Variants in ATF1 observed in about 807,000 individuals in gnomAD.
The protein encoded by ATF1 is activating transcription factor 1, also known as cyclic AMP-dependent transcription factor ATF-1.
ATF1 carries 16 observed loss-of-function variants against 34.7 expected under a neutral mutation model. That is an observed-to-expected ratio of 0.46 (90% CI 0.31 to 0.70). ATF1 has a LOEUF of 0.70. ATF1 is among the 30% of genes least tolerant of loss of function. ATF1 has a pLI of 0.05. For missense variants in ATF1, 255 were observed against 321.6 expected, an observed-to-expected ratio of 0.79 and a Z score of 1.58; for synonymous variants, 105 against 113.1, an observed-to-expected ratio of 0.93 and a Z score of 0.46.
intron 2 of ATF1, among the ~76,000 whole-genome samples, chr12:50,782,234 G>GT (rs200221395): frequency 0.015 from 2,054 of 138,818 alleles, 41 homozygotes; most frequent in African/African-American, 0.049. Context: ...TTCTTTTTCT[G>GT]TTTTTTTTGT....
chr12:50,804,494 G>A (rs1941575581), intron 3 of ATF1, among the ~76,000 whole-genome samples: 1 of 152,152 alleles, frequency 6.6e-6, no homozygotes, highest in Non-Finnish European at 1.5e-5. Context: ...AGACCAGCCA[G>A]GGCAACATAG....
chr12:50,797,663 G>A (rs1941434996), intron 3 of ATF1, among the ~76,000 whole-genome samples: 1 of 151,890 alleles, frequency 6.6e-6, no homozygotes, highest in Non-Finnish European at 1.5e-5. Context: ...TAGAGATAGA[G>A]TCCCACTATG....
At chr12:50,813,947 C>T (rs1941788117) in intron 4 of ATF1, 63 bp from the exon 5 acceptor site, 2 of 1,482,538 alleles carry the variant, frequency 1.3e-6, no homozygotes, top group South Asian at 1.3e-5. Context: ...GGGCTTTTTG[C>T]CACTCCTTTG....
intron 2 of ATF1, chr12:50,788,454 G>A (rs899781684): frequency 1.4e-5 from 4 of 280,734 alleles, no homozygotes; most frequent in African/African-American, 7.0e-5. Flanking sequence ...CCAAAGTGCA[G>A]TGCTGGTATG....
At chr12:50,790,674 T>C (rs368469277) in intron 2 of ATF1, among the ~76,000 whole-genome samples, 4 of 151,964 alleles carry the variant, frequency 2.6e-5, no homozygotes, top group African/African-American at 9.6e-5. Flanking sequence ...GCTTTTTAAA[T>C]ATTGGGGTGT....
rs79198869 is a variant in ATF1 at position 50,767,610 on chromosome 12, C to G, written c.-7+3303C>G. Among the ~76,000 whole-genome samples the G allele has an allele frequency of 8.4e-4, 128 of 152,332 alleles. 1 individual carries two copies. In the East Asian group the frequency reaches 0.023, roughly 27 times the overall value. ...CAGTAAGATACTTGGCTGCAGGTCC[C>G]TGTAACAAATAAAAGACTGGATGAA... On this transcript the variant is annotated intron_variant, in intron 1 of 6. Coordinates refer to ENST00000262053, the MANE Select transcript of ATF1 (RefSeq NM_005171.5).
intron 2 of ATF1, among the ~76,000 whole-genome samples, chr12:50,787,453 A>C (rs989100603): frequency 7.2e-5 from 11 of 152,062 alleles, no homozygotes; most frequent in Admixed American, 6.6e-4. Context: ...TAGAAATAAA[A>C]ATGGTGTGGT....
Position 50,773,444 on chromosome 12 carries a change from CTTTTTTTTT to C in ATF1, c.-6-6682_-6-6674del, listed in dbSNP as rs71086476. Among the ~76,000 whole-genome samples, 109 of 89,588 alleles carry C rather than the reference CTTTTTTTTT, an allele frequency of 1.2e-3. 1 individual carries two copies. Among genetic ancestry groups the C allele is most frequent in the African/African-American group, 4.8e-3 (107 of 22,426 alleles). The allele number at this position is 89,588 out of a possible 152,430, so 58.8% of individuals were successfully genotyped here. ...AACTGTTGACTTTTTAATTGCCATT[CTTTTTTTTT>C]TTTTTTTTTTTTTCGAGACAAAGTC... On this transcript the variant is annotated intron_variant, in intron 1 of 6. Coordinates refer to ENST00000262053, the MANE Select transcript of ATF1 (RefSeq NM_005171.5).
intron 2 of ATF1, among the ~76,000 whole-genome samples, chr12:50,783,841 T>C (rs1941124450): frequency 7.2e-6 from 1 of 138,196 alleles, no homozygotes. Context: ...TACTCCAGAC[T>C]GGGCGACAGC....
chr12:50,772,935 C>T (rs1276236807), intron 1 of ATF1, among the ~76,000 whole-genome samples: 2 of 152,158 alleles, frequency 1.3e-5, no homozygotes, highest in Non-Finnish European at 2.9e-5. Flanking sequence ...CCCTCCTCCA[C>T]AGGCCCCAGT....
chr12:50,768,739 G>C lies in ATF1; in HGVS notation c.-7+4432G>C, dbSNP rs1940700798. 2.0e-5 allele frequency among the ~76,000 whole-genome samples: 3 copies of C among 152,142 alleles called. 1 individual carries two copies. Among genetic ancestry groups the C allele is most frequent in the Admixed American group, 2.0e-4 (3 of 15,276 alleles). ...ATGCCTTTTAGTTCATGTAACTTTAGTAATCTTTAGGAAATAAACACATCT... is the reference window on the plus strand; with the variant it reads ...ATGCCTTTTAGTTCATGTAACTTTACTAATCTTTAGGAAATAAACACATCT... On this transcript the variant is annotated intron_variant, in intron 1 of 6. Coordinates refer to ENST00000262053, the MANE Select transcript of ATF1 (RefSeq NM_005171.5).
Position 50,785,144 on chromosome 12 carries a change from G to A in ATF1, c.93+4906G>A, listed in dbSNP as rs948234799. Among the ~76,000 whole-genome samples the A allele has an allele frequency of 1.5e-4, 23 of 149,492 alleles. 1 individual carries two copies. The highest frequency in any genetic ancestry group is 7.4e-5 in the African/African-American group (3 of 40,502). On this transcript the variant is annotated intron_variant, in intron 2 of 6. Coordinates refer to ENST00000262053, the MANE Select transcript of ATF1 (RefSeq NM_005171.5). Reference sequence around the variant, plus strand: ...TGTTAAGAATGAAATTACTTGACCCGGGCGTGGTAGTGCATGCCTATAATC... The same window carrying A: ...TGTTAAGAATGAAATTACTTGACCCAGGCGTGGTAGTGCATGCCTATAATC...
At chr12:50,808,727 C>G (rs1941669003) in intron 3 of ATF1, among the ~76,000 whole-genome samples, 1 of 147,260 alleles carries the variant, frequency 6.8e-6, no homozygotes, top group Non-Finnish European at 1.5e-5. Flanking sequence ...GTTTAAGTGT[C>G]TGGTAGATTA....
At chr12:50,773,444 C>CT (rs71086476) in intron 1 of ATF1, among the ~76,000 whole-genome samples, 51,309 of 89,632 alleles carry the variant, frequency 0.57, 16,457 homozygotes, top group South Asian at 0.62. Context: ...AATTGCCATT[C>CT]TTTTTTTTTT....
In ATF1 at chr12:50,769,507, C is replaced by CA. The variant is rs1233845738; in HGVS notation, c.-7+5214dup. Among the ~76,000 whole-genome samples, 406 of 127,650 alleles carry CA rather than the reference C, an allele frequency of 3.2e-3. 2 individuals are homozygous for CA. The highest frequency in any genetic ancestry group is 7.9e-3 in the African/African-American group (270 of 34,240). The allele number at this position is 127,650 out of a possible 152,430, so 83.7% of individuals were successfully genotyped here. ...TGGGTGACAGAGCGAGACTCCATCT[C>CA]AAAAAAAAAAAAAATTCATACAGGA... On this transcript the variant is annotated intron_variant, in intron 1 of 6. Transcript: ENST00000262053.
intron 1 of ATF1, among the ~76,000 whole-genome samples, chr12:50,774,625 G>A (rs532392244): frequency 6.6e-6 from 1 of 152,012 alleles, no homozygotes; most frequent in Admixed American, 6.5e-5. Context: ...AGAAATAATA[G>A]CTTTAAAAAA....
At chr12:50,765,504 TTTG>T (rs1390960071) in intron 1 of ATF1, among the ~76,000 whole-genome samples, 1 of 152,106 alleles carries the variant, frequency 6.6e-6, no homozygotes, top group Non-Finnish European at 1.5e-5. Flanking sequence ...TTTGCCAGTT[TTTG>T]TTTTGTTTTG....
intron 2 of ATF1, chr12:50,788,373 A>G: frequency 2.8e-6 from 1 of 358,900 alleles, no homozygotes; most frequent in Non-Finnish European, 5.5e-6. Flanking sequence ...TTTTGTAGAG[A>G]TGGGGTTTTG....
rs772833813 is a variant in ATF1 at position 50,780,168 on chromosome 12, C to A, written c.23C>A (p.Thr8Asn). ...ATTATGGAAGATTCCCACAAGAGTA[C>A]CACGTCAGAGACAGCACCTCAACCT... is the stretch of plus-strand genomic sequence containing the variant. MEDSHKS[T>N]TSETAPQPGS... Residue 8 changes from threonine to asparagine, a missense_variant, in exon 2 of 7, where the codon ACC (threonine) becomes AAC (asparagine). Transcript: ENST00000262053. 6.2e-7 allele frequency: 1 copy of A among 1,613,120 alleles called. No individual in the cohort carries two copies. The highest frequency in any genetic ancestry group is 2.2e-5 in the East Asian group (1 of 44,864).
Sources: allele counts gnomAD v4.1 joint callset (sites outside exome capture counted in the v4.1 genomes callset), GRCh38; gene constraint gnomAD v4.1.1; transcripts MANE v1.5; gene names NCBI Gene and HGNC (gene_info 2026-07-23, HGNC 2026-07-21).